Variants in KLF12 observed in about 807,000 individuals in gnomAD.
KLF12 encodes Krueppel-like factor 12.
A neutral mutation model predicts 37.8 loss-of-function variants in KLF12; 9 were observed. That is an observed-to-expected ratio of 0.24 (90% confidence interval 0.14 to 0.42). The LOEUF (loss-of-function observed/expected upper bound fraction) is 0.42. Among genes scored for constraint, KLF12 ranks in the 10% least tolerant of loss-of-function variants. The pLI, the probability that KLF12 is intolerant of heterozygous loss-of-function variation, is 1.00. For missense variants in KLF12, 411 were observed against 516.0 expected (o/e 0.80, Z 1.97); for synonymous variants, 208 against 202.1 (o/e 1.03, Z -0.25).
intron 6 of KLF12, among the ~76,000 whole-genome samples, chr13:73,751,362 G>C (rs12877581): frequency 0.19 from 29,238 of 152,148 alleles, 3,670 homozygotes; most frequent in Non-Finnish European, 0.28. Flanking sequence ...CCCACCAACA[G>C]TGTATAGGTG....
At chr13:73,703,608 T>C (rs1228080512) in intron 7 of KLF12, among the ~76,000 whole-genome samples, 2 of 152,234 alleles carry the variant, frequency 1.3e-5, no homozygotes, top group Non-Finnish European at 2.9e-5. Context: ...TAAGTATTGT[T>C]GATAAAAATT....
intron 5 of KLF12, among the ~76,000 whole-genome samples, chr13:73,791,175 T>C (rs972259547): frequency 6.6e-6 from 1 of 152,260 alleles, no homozygotes; most frequent in Non-Finnish European, 1.5e-5. Context: ...AATTAAAGTA[T>C]ATGTAATTCA....
At chr13:73,776,361 C>T (rs1880607689) in intron 5 of KLF12, among the ~76,000 whole-genome samples, 1 of 152,328 alleles carries the variant, frequency 6.6e-6, no homozygotes, top group South Asian at 2.1e-4. Context: ...CAGGACCTGA[C>T]CTACCAGCTT....
At chr13:73,695,777 G>T in intron 7 of KLF12, 106 bp from the exon 8 acceptor site, 6 of 1,081,998 alleles carry the variant, frequency 5.5e-6, no homozygotes, top group South Asian at 4.5e-5. Context: ...GAATTTTCCC[G>T]TTGGTAAATC....
chr13:73,864,612 T>C (rs1194820015), intron 3 of KLF12, among the ~76,000 whole-genome samples: 1 of 152,120 alleles, frequency 6.6e-6, no homozygotes, highest in Non-Finnish European at 1.5e-5. Context: ...TTATTGACTA[T>C]AAATCCAAAA....
chr13:73,718,618 C>T (rs1055430609), intron 6 of KLF12, among the ~76,000 whole-genome samples: 3 of 152,176 alleles, frequency 2.0e-5, no homozygotes, highest in East Asian at 1.9e-4. Flanking sequence ...ATTAGCTGGA[C>T]GTGGTGGCTC....
chr13:74,150,786 A>AG, the KLF12 span, among the ~76,000 whole-genome samples: 2 of 152,140 alleles, frequency 1.3e-5, no homozygotes, highest in African/African-American at 2.4e-5. Context: ...AAGGGACACA[A>AG]GGGGGGCAGA....
chr13:73,750,096 A>T (rs1021132198), intron 6 of KLF12, among the ~76,000 whole-genome samples: 3 of 152,228 alleles, frequency 2.0e-5, no homozygotes, highest in Non-Finnish European at 4.4e-5. Flanking sequence ...GTCAGGCATA[A>T]CAACGATAAA....
chr13:73,751,213 G>GAATGAGAAGACTGAGGT (rs1878734756), intron 6 of KLF12, among the ~76,000 whole-genome samples: 4 of 152,136 alleles, frequency 2.6e-5, no homozygotes, highest in Admixed American at 6.6e-5. Context: ...ATGAGTGCAG[G>GAATGAGAAGACTGAGGT]TATCTTTTTG....
intron 7 of KLF12, among the ~76,000 whole-genome samples, chr13:73,704,772 C>T (rs930325518): frequency 6.6e-6 from 1 of 152,170 alleles, no homozygotes; most frequent in Admixed American, 6.5e-5. Flanking sequence ...TCAGCAGTGC[C>T]GACTCAGCAG....
chr13:74,171,095 C>A, the KLF12 span, among the ~76,000 whole-genome samples: 3 of 152,188 alleles, frequency 2.0e-5, no homozygotes, highest in Non-Finnish European at 4.4e-5. Context: ...GGTGAAGTTA[C>A]ATGAGCAAAT....
At chr13:73,976,793 AT>A (rs1196741498) in intron 2 of KLF12, among the ~76,000 whole-genome samples, 1 of 152,168 alleles carries the variant, frequency 6.6e-6, no homozygotes, top group East Asian at 1.9e-4. Context: ...GACAGAGTCA[AT>A]TTTCTAGGAG....
chr13:73,859,650 A>G (rs1187013975), intron 3 of KLF12, among the ~76,000 whole-genome samples: 2 of 152,188 alleles, frequency 1.3e-5, no homozygotes, highest in Non-Finnish European at 2.9e-5. Flanking sequence ...CATAATGTCT[A>G]TTTCTTATTT....
At chr13:73,979,398 C>CACAA (rs1555331039) in intron 2 of KLF12, among the ~76,000 whole-genome samples, 3 of 146,350 alleles carry the variant, frequency 2.0e-5, no homozygotes, top group African/African-American at 7.4e-5. Context: ...CACACACACA[C>CACAA]AAATCATGGA....
intron 2 of KLF12, among the ~76,000 whole-genome samples, chr13:73,951,170 ACATG>A (rs1890633358): frequency 6.6e-6 from 1 of 152,236 alleles, no homozygotes. Context: ...TTTATTCAAC[ACATG>A]TACCAGGGGT....
rs190318767 is a variant in KLF12 at position 73,811,850 on chromosome 13, A to T, written c.806+1302T>A. ...ATAATACAAATTATCTCTATAACATAGATATATTATTCATTTTATATACGC... is the reference window on the plus strand; with the variant it reads ...ATAATACAAATTATCTCTATAACATTGATATATTATTCATTTTATATACGC... On this transcript the variant is annotated intron_variant, in intron 5 of 7. Coordinates refer to ENST00000377669, the MANE Select transcript of KLF12 (RefSeq NM_007249.5). Among the ~76,000 whole-genome samples, 629 of 152,344 alleles carry T rather than the reference A, an allele frequency of 4.1e-3. 6 individuals carry two copies. Among genetic ancestry groups the T allele is most frequent in the African/African-American group, 0.014 (593 of 41,592 alleles).
the KLF12 span, among the ~76,000 whole-genome samples, chr13:74,185,918 A>T: frequency 6.6e-6 from 1 of 152,208 alleles, no homozygotes; most frequent in Non-Finnish European, 1.5e-5. Flanking sequence ...TGCGGGGATT[A>T]CAGGTGTCAG....
the KLF12 span, among the ~76,000 whole-genome samples, chr13:74,269,356 A>G: frequency 6.6e-6 from 1 of 152,144 alleles, no homozygotes; most frequent in Non-Finnish European, 1.5e-5. Context: ...TTTCATATAG[A>G]GCATACTGAG....
At chr13:73,874,204 T>C (rs1439296393) in intron 3 of KLF12, among the ~76,000 whole-genome samples, 1 of 152,246 alleles carries the variant, frequency 6.6e-6, no homozygotes, top group East Asian at 1.9e-4. Flanking sequence ...GTCTGAATAT[T>C]TGACCTTGGA....
Sources: gnomAD v4.1 joint callset for allele counts (sites outside exome capture counted in the v4.1 genomes callset) on GRCh38, gnomAD v4.1.1 for gene constraint, MANE v1.5 for transcripts, NCBI Gene and HGNC (gene_info 2026-07-23, HGNC 2026-07-21) for gene names.